POTEC: variants seen among roughly 807,000 people sequenced by gnomAD.
POTEC encodes the protein ANKRD26-like family B member 2.
POTEC carries 35 observed loss-of-function variants against 62.0 expected under a neutral mutation model. The observed-to-expected ratio is 0.56, with a 90% CI of 0.43 to 0.75. The LOEUF (loss-of-function observed/expected upper bound fraction) is 0.75, where lower values mean the gene tolerates loss of function less well. POTEC is among the 30% of genes least tolerant of loss of function. The pLI, the probability that POTEC is intolerant of heterozygous loss-of-function variation, is 0.00. For missense variants in POTEC, 472 were observed against 655.9 expected (o/e 0.72, Z 3.06); for synonymous variants, 156 against 221.5 (o/e 0.70, Z 2.62).
chr18:14,520,383 T>C (rs1333766188), intron 9 of POTEC, among the ~76,000 whole-genome samples: 1 of 149,990 alleles, frequency 6.7e-6, no homozygotes, highest in East Asian at 2.0e-4. Context: ...TGCTTATACA[T>C]AAAGACCAAG....
intron 5 of POTEC, among the ~76,000 whole-genome samples, chr18:14,532,601 T>C (rs991630454): frequency 2.6e-5 from 4 of 152,096 alleles, no homozygotes; most frequent in African/African-American, 9.7e-5. Flanking sequence ...TTTCTCCTCC[T>C]TCTGACTTGA....
chr18:14,513,896 C>T (rs1367098620), intron 9 of POTEC, 111 bp from the exon 10 acceptor site: 4 of 1,564,716 alleles, frequency 2.6e-6, no homozygotes, highest in South Asian at 1.2e-5. Flanking sequence ...GCACATTAAT[C>T]CAAGACAAGA....
rs1358826963 is a variant in POTEC, at chr18:14,510,285, G to A, written c.*1613C>T. On this transcript the variant is annotated 3_prime_UTR_variant, in exon 11 of 11. Coordinates refer to ENST00000358970, the MANE Select transcript of POTEC (RefSeq NM_001137671.2). ...TGTCAATATGGCACTTAGGGTCTTT[G>A]CTCCCTTGATATTCTGAGGGTAGCA... is the stretch of plus-strand genomic sequence containing the variant. 1.3e-5 allele frequency: 2 copies of A among 152,106 alleles called. No individual in the cohort carries two copies. The highest frequency in any genetic ancestry group is 2.9e-5 in the Non-Finnish European group (2 of 68,030). The allele number at this position is 152,106 out of a possible 1,614,324, so 9.4% of individuals were successfully genotyped here.
chr18:14,540,374 TCA>T (rs1423412648), intron 1 of POTEC, among the ~76,000 whole-genome samples: 1 of 152,092 alleles, frequency 6.6e-6, no homozygotes, highest in Non-Finnish European at 1.5e-5. Flanking sequence ...ATTGCAGAAA[TCA>T]CAGATAAGAG....
chr18:14,517,910 GC>G (rs1910207797), intron 9 of POTEC, among the ~76,000 whole-genome samples: 1 of 152,066 alleles, frequency 6.6e-6, no homozygotes, highest in Non-Finnish European at 1.5e-5. Context: ...GACTCAGTTT[GC>G]CATAATTACA....
At chr18:14,542,075 C>G (rs1355507722) in intron 1 of POTEC, among the ~76,000 whole-genome samples, 3 of 150,426 alleles carry the variant, frequency 2.0e-5, no homozygotes, top group Non-Finnish European at 4.4e-5. Context: ...TTTTATTTGG[C>G]TTATGTAAAA....
At position 14,524,747 on chromosome 18, in the gene POTEC, AATTT is replaced by A. The variant is rs564409230; in HGVS notation, c.1197+162_1197+165del. Reference sequence around the variant, plus strand: ...GATTCTTCTGTTAATGAGATTGCTGAATTTATTAAAATAAATTTTAAGAATCTTA... The same window carrying A: ...GATTCTTCTGTTAATGAGATTGCTGAATTAAAATAAATTTTAAGAATCTTA... On this transcript the variant is annotated intron_variant, in intron 7 of 10. Coordinates refer to ENST00000358970, the MANE Select transcript of POTEC (RefSeq NM_001137671.2). Among the ~76,000 whole-genome samples, 219 of 152,056 alleles carry A rather than the reference AATTT, an allele frequency of 1.4e-3. 2 individuals carry two copies. Among genetic ancestry groups the A allele is most frequent in the African/African-American group, 4.8e-3 (201 of 41,520 alleles).
At chr18:14,521,142 C>A (rs543540217) in intron 9 of POTEC, among the ~76,000 whole-genome samples, 1 of 152,258 alleles carries the variant, frequency 6.6e-6, no homozygotes, top group African/African-American at 2.4e-5. Context: ...TCCCCATGTA[C>A]AATCCCTTGG....
At chr18:14,525,665 G>A (rs1910416452) in intron 6 of POTEC, among the ~76,000 whole-genome samples, 2 of 151,626 alleles carry the variant, frequency 1.3e-5, no homozygotes, top group African/African-American at 4.8e-5. Context: ...TATAAGCCAA[G>A]CCCTGTCTTT....
intron 5 of POTEC, among the ~76,000 whole-genome samples, chr18:14,531,076 A>C (rs571866253): frequency 2.0e-5 from 3 of 152,254 alleles, no homozygotes; most frequent in East Asian, 3.9e-4. Flanking sequence ...TATTTTGTTC[A>C]TAGGTTCTAA....
chr18:14,523,881 G>A (rs988008340), intron 7 of POTEC, among the ~76,000 whole-genome samples: 8 of 152,072 alleles, frequency 5.3e-5, no homozygotes, highest in South Asian at 2.1e-4. Context: ...ATGATTTGTA[G>A]TGTTCCAAAG....
chr18:14,537,745 C>T (rs1489922511), intron 3 of POTEC, 56 bp downstream of exon 3: 3 of 1,595,876 alleles, frequency 1.9e-6, no homozygotes, highest in Non-Finnish European at 2.6e-6. Context: ...TTACACAGGT[C>T]AATGTTAACA....
chr18:14,542,111 T>G, intron 1 of POTEC, among the ~76,000 whole-genome samples: 1 of 152,110 alleles, frequency 6.6e-6, no homozygotes, highest in East Asian at 1.9e-4. Flanking sequence ...AAAGCTCACA[T>G]CTTAAGAAAA....
chr18:14,528,445 A>T (rs1910495713), intron 6 of POTEC, among the ~76,000 whole-genome samples: 1 of 152,178 alleles, frequency 6.6e-6, no homozygotes, highest in Non-Finnish European at 1.5e-5. Context: ...GGGAATGAGC[A>T]TGTGGTGTGA....
chr18:14,521,767 C>T (rs761155285), intron 9 of POTEC, among the ~76,000 whole-genome samples: 3 of 152,076 alleles, frequency 2.0e-5, no homozygotes, highest in Non-Finnish European at 4.4e-5. Context: ...AATCAAATGC[C>T]ACATATTCTT....
rs1321471325 is a variant in POTEC, at chr18:14,508,071, A to G, written c.*3827T>C. The G allele has an allele frequency of 6.6e-6, 1 of 152,096 alleles. No individual in the cohort carries two copies. Among genetic ancestry groups the G allele is most frequent in the Non-Finnish European group, 1.5e-5 (1 of 68,020 alleles). The allele number at this position is 152,096 out of a possible 1,614,324, so 9.4% of individuals were successfully genotyped here. A position where few individuals can be genotyped will look rare whatever the true frequency, so the allele number is the denominator to read the frequency against. ...GGATGATCTTCTCATGGCATATCTT[A>G]CTGAGGTTCTCTGGATTTCCTGAAG... On this transcript the variant is annotated 3_prime_UTR_variant, in exon 11 of 11. Coordinates refer to ENST00000358970, the MANE Select transcript of POTEC (RefSeq NM_001137671.2).
At position 14,508,648 on chromosome 18, in the gene POTEC, G is replaced by T. The variant is rs1057058716; in HGVS notation, c.*3250C>A. On this transcript the variant is annotated 3_prime_UTR_variant, in exon 11 of 11. Coordinates refer to ENST00000358970, the MANE Select transcript of POTEC (RefSeq NM_001137671.2). Reference sequence around the variant, plus strand: ...TTTTACAATGATTTTTAGCTTCCTTGTATTGGATTACAACATACTTCTTTC... The same window carrying T: ...TTTTACAATGATTTTTAGCTTCCTTTTATTGGATTACAACATACTTCTTTC... 9.2e-5 allele frequency: 14 copies of T among 152,492 alleles called. No homozygotes were observed. The highest frequency in any genetic ancestry group is 2.4e-5 in the African/African-American group (1 of 41,396). The allele number at this position is 152,492 out of a possible 1,614,324, so 9.4% of individuals were successfully genotyped here. A position where few individuals can be genotyped will look rare whatever the true frequency, so the allele number is the denominator to read the frequency against.
chr18:14,529,618 T>A (rs1347139173), intron 6 of POTEC, among the ~76,000 whole-genome samples: 1 of 152,204 alleles, frequency 6.6e-6, no homozygotes, highest in Non-Finnish European at 1.5e-5. Flanking sequence ...ACTTTTATTA[T>A]AATCTGCTGA....
chr18:14,515,042 A>G (rs1910110412), intron 9 of POTEC, among the ~76,000 whole-genome samples: 2 of 152,184 alleles, frequency 1.3e-5, no homozygotes, highest in African/African-American at 4.8e-5. Flanking sequence ...ACACCACTGA[A>G]GAAAATCACA....
Sources: allele counts gnomAD v4.1 joint callset (sites outside exome capture counted in the v4.1 genomes callset), GRCh38; gene constraint gnomAD v4.1.1; transcripts MANE v1.5; gene names NCBI Gene and HGNC (gene_info 2026-07-23, HGNC 2026-07-21).